The following CCDC102B variants were observed in gnomAD, a reference collection of about 807,000 sequenced individuals.
CCDC102B encodes the protein coiled-coil domain containing 102B.
CCDC102B carries 75 observed loss-of-function variants against 57.4 expected under a neutral mutation model. The ratio of observed to expected loss-of-function variants is 1.31; its 90% confidence interval spans 1.08 to 1.58. CCDC102B has a LOEUF of 1.58. Among genes scored for constraint, CCDC102B ranks in the 40% most tolerant of loss-of-function variants. The pLI is 0.00. For missense variants in CCDC102B, 636 were observed against 582.6 expected (o/e 1.09, Z -0.94); for synonymous variants, 206 against 201.9 (o/e 1.02, Z -0.17).
intron 2 of CCDC102B, among the ~76,000 whole-genome samples, chr18:68,724,007 C>G (rs2032478944): frequency 6.6e-6 from 1 of 152,224 alleles, no homozygotes; most frequent in African/African-American, 2.4e-5. Context: ...TCTCTGAAAT[C>G]TAGATGCAGG....
intron 2 of CCDC102B, among the ~76,000 whole-genome samples, chr18:68,750,652 C>A (rs746713981): frequency 6.6e-6 from 1 of 151,894 alleles, no homozygotes; most frequent in Non-Finnish European, 1.5e-5. Context: ...TTTGTAGGGA[C>A]ATGGATGAAG....
In CCDC102B at chr18:68,910,019, G is replaced by T. The variant is rs377358478; in HGVS notation, c.1263+12591G>T. ...TATAAAAGAGATAGAGAATTAGACT[G>T]GGAATCCCATCTGTAATCCCAGCAC... On this transcript the variant is annotated intron_variant, in intron 6 of 7. Transcript: ENST00000360242. Among the ~76,000 whole-genome samples, 30 of 152,280 alleles carry T rather than the reference G, an allele frequency of 2.0e-4. No individual in the cohort carries two copies. In the East Asian group the frequency reaches 2.5e-3, roughly 13 times the overall value.
chr18:68,971,146 TTTAA>T (rs1438596903), intron 6 of CCDC102B, among the ~76,000 whole-genome samples: 2 of 152,040 alleles, frequency 1.3e-5, no homozygotes, highest in African/African-American at 4.8e-5. Flanking sequence ...TTAATTAACC[TTTAA>T]TTAAATTCAT....
chr18:68,857,328 TAAA>T (rs1214001228), intron 4 of CCDC102B, among the ~76,000 whole-genome samples: 2 of 70,370 alleles, frequency 2.8e-5, no homozygotes, highest in African/African-American at 5.2e-5. Context: ...ATTATATATA[TAAA>T]ATATATATTT....
At chr18:68,797,503 G>C (rs942788088), upstream of CCDC102B, among the ~76,000 whole-genome samples, 4 of 151,940 alleles carry the variant, frequency 2.6e-5, no homozygotes, top group African/African-American at 9.7e-5. Context: ...TTTTCCCCAG[G>C]GAAAGGGGCC....
chr18:69,039,114 T>A (rs1464191245), intron 7 of CCDC102B, among the ~76,000 whole-genome samples: 10 of 151,944 alleles, frequency 6.6e-5, no homozygotes, highest in African/African-American at 2.4e-4. Flanking sequence ...ATCGCAAAAA[T>A]GTCACTTTCT....
intron 4 of CCDC102B, among the ~76,000 whole-genome samples, chr18:68,860,889 C>T (rs189838557): frequency 0.03 from 4,341 of 146,456 alleles, 37 homozygotes; most frequent in Non-Finnish European, 0.046. Flanking sequence ...CCATTTTGTT[C>T]ACTGCTGTGT....
intron 4 of CCDC102B, among the ~76,000 whole-genome samples, chr18:68,857,272 TATA>T (rs2038485711): frequency 2.3e-5 from 1 of 44,072 alleles, no homozygotes; most frequent in Admixed American, 5.1e-4. Context: ...TATAAATATA[TATA>T]TAATATATAT....
chr18:69,039,200 G>A (rs1456149792), intron 7 of CCDC102B, among the ~76,000 whole-genome samples: 1 of 151,914 alleles, frequency 6.6e-6, no homozygotes, highest in Non-Finnish European at 1.5e-5. Flanking sequence ...TAAAATGAAT[G>A]CCATAGGAAA....
At chr18:68,781,014 C>T (rs943557412) in intron 2 of CCDC102B, among the ~76,000 whole-genome samples, 1 of 152,070 alleles carries the variant, frequency 6.6e-6, no homozygotes, top group African/African-American at 2.4e-5. Flanking sequence ...CATAAAAACA[C>T]ATTCAGATTA....
At chr18:68,852,225 C>T (rs1599566510) in intron 4 of CCDC102B, among the ~76,000 whole-genome samples, 1 of 152,180 alleles carries the variant, frequency 6.6e-6, no homozygotes. Flanking sequence ...GTTCTTGCTG[C>T]AATGCCAGTT....
At chr18:68,857,276 T>TA (rs1318078190) in intron 4 of CCDC102B, among the ~76,000 whole-genome samples, 7,757 of 27,892 alleles carry the variant, frequency 0.28, 2,016 homozygotes, top group Non-Finnish European at 0.41. Flanking sequence ...AATATATATA[T>TA]AATATATATT....
intron 6 of CCDC102B, among the ~76,000 whole-genome samples, chr18:68,961,349 C>T (rs12456552): frequency 0.093 from 14,120 of 151,596 alleles, 864 homozygotes; most frequent in Non-Finnish European, 0.13. Flanking sequence ...AATACAGAAA[C>T]AAGAATAAAA....
At chr18:68,749,202 G>T (rs1340233460) in intron 2 of CCDC102B, among the ~76,000 whole-genome samples, 2 of 152,270 alleles carry the variant, frequency 1.3e-5, no homozygotes, top group African/African-American at 2.4e-5. Flanking sequence ...TTTGAAGTCA[G>T]GTAGTGTGAT....
intron 7 of CCDC102B, among the ~76,000 whole-genome samples, chr18:69,018,060 A>C (rs1458338305): frequency 6.6e-6 from 1 of 151,910 alleles, no homozygotes; most frequent in Non-Finnish European, 1.5e-5. Context: ...TGTATGTCAC[A>C]ATTTATCCCT....
intron 2 of CCDC102B, among the ~76,000 whole-genome samples, chr18:68,739,738 C>T (rs781189155): frequency 2.0e-5 from 3 of 152,200 alleles, no homozygotes; most frequent in Non-Finnish European, 4.4e-5. Flanking sequence ...GACATGCCTT[C>T]TTCCAAACCT....
At chr18:69,018,838 A>G (rs998576970) in intron 7 of CCDC102B, among the ~76,000 whole-genome samples, 1 of 152,036 alleles carries the variant, frequency 6.6e-6, no homozygotes, top group Non-Finnish European at 1.5e-5. Context: ...ATTTATTACC[A>G]AGAATAATGC....
At chr18:68,833,554 G>C (rs7238244) in intron 1 of CCDC102B, among the ~76,000 whole-genome samples, 3,086 of 152,112 alleles carry the variant, frequency 0.02, 103 homozygotes, top group African/African-American at 0.07. Context: ...CAATCTGCAG[G>C]CCTTTTCCCT....
At chr18:68,726,756 T>C (rs1287028072) in intron 2 of CCDC102B, among the ~76,000 whole-genome samples, 2 of 152,184 alleles carry the variant, frequency 1.3e-5, no homozygotes, top group Middle Eastern at 3.2e-3. Context: ...TGCAATACAG[T>C]GTCCTAATGC....
Sources: allele counts gnomAD v4.1 joint callset (sites outside exome capture counted in the v4.1 genomes callset), GRCh38; gene constraint gnomAD v4.1.1; transcripts MANE v1.5; gene names NCBI Gene and HGNC (gene_info 2026-07-23, HGNC 2026-07-21).